SSPN: variants seen among roughly 807,000 people sequenced by gnomAD.
SSPN encodes K-ras oncogene-associated protein.
A neutral mutation model predicts 19.1 loss-of-function variants in SSPN; 15 were observed. The observed-to-expected ratio is 0.78, with a 90% confidence interval of 0.52 to 1.21. The LOEUF is 1.21. SSPN is among the 50% of genes most tolerant of loss of function. The pLI, the probability that SSPN is intolerant of heterozygous loss-of-function variation, is 0.00. For missense variants in SSPN, 291 were observed against 314.0 expected (o/e 0.93, Z 0.55); for synonymous variants, 147 against 140.3 (o/e 1.05, Z -0.34).
intron 1 of SSPN, among the ~76,000 whole-genome samples, chr12:26,127,055 G>A (rs979461018): frequency 6.6e-6 from 1 of 152,108 alleles, no homozygotes; most frequent in South Asian, 2.1e-4. Flanking sequence ...CTAAAAATGG[G>A]AATGCCGTTA....
chr12:26,178,828 T>G (rs2137439571), intron 1 of SSPN, among the ~76,000 whole-genome samples: 1 of 152,294 alleles, frequency 6.6e-6, no homozygotes, highest in East Asian at 1.9e-4. Context: ...CTGAGGAGTT[T>G]AAAGATATAT....
intron 1 of SSPN, among the ~76,000 whole-genome samples, chr12:26,132,189 A>AG (rs1439899695): frequency 6.6e-6 from 1 of 152,178 alleles, no homozygotes; most frequent in East Asian, 1.9e-4. Flanking sequence ...CACAAGGGTA[A>AG]GGGTGTGGTT....
At chr12:26,134,029 CTCTT>C (rs1565668557) in intron 1 of SSPN, among the ~76,000 whole-genome samples, 1 of 152,304 alleles carries the variant, frequency 6.6e-6, no homozygotes, top group South Asian at 2.1e-4. Flanking sequence ...TTGATCAAAA[CTCTT>C]TAATAGCTTC....
At chr12:26,184,728 G>C (rs1233661173) in intron 1 of SSPN, among the ~76,000 whole-genome samples, 1 of 152,096 alleles carries the variant, frequency 6.6e-6, no homozygotes, top group African/African-American at 2.4e-5. Context: ...ACAGAGGAAA[G>C]ACTATTACAG....
At chr12:26,216,245 C>T (rs1366784610) in intron 1 of SSPN, among the ~76,000 whole-genome samples, 1 of 152,174 alleles carries the variant, frequency 6.6e-6, no homozygotes, top group Non-Finnish European at 1.5e-5. Context: ...ACAGCTTAGC[C>T]TAGTGGTTCT....
intron 1 of SSPN, among the ~76,000 whole-genome samples, chr12:26,144,355 G>A (rs77537557): frequency 0.015 from 2,218 of 152,266 alleles, 55 homozygotes; most frequent in African/African-American, 0.051. Flanking sequence ...CAAGTGAATC[G>A]AATGGAGTAA....
chr12:26,194,861 A>T (rs1182409810), upstream of SSPN, among the ~76,000 whole-genome samples: 1 of 152,120 alleles, frequency 6.6e-6, no homozygotes, highest in African/African-American at 2.4e-5. Flanking sequence ...TGTGGTGGTG[A>T]TTGCCTGTAG....
At position 26,124,065 on chromosome 12, in the gene SSPN, A is replaced by G. The variant is rs202094138; in HGVS notation, c.-31+1913A>G. 1.2e-5 allele frequency: 19 copies of G among 1,565,612 alleles called. No homozygotes were observed. The East Asian group carries it at 3.8e-4, about 31-fold the overall frequency. The stretch of plus-strand genomic sequence containing the variant: ...AGAGCAGCAAAGAATGAAAATGTGC[A>G]TCTTACTGTCAATTTCAGATGTTCA... On this transcript the variant is annotated intron_variant, in intron 1 of 2. Coordinates refer to the SSPN transcript ENST00000538142.
chr12:26,199,712 CAAAT>C (rs1303259833), intron 1 of SSPN, among the ~76,000 whole-genome samples: 2 of 152,208 alleles, frequency 1.3e-5, no homozygotes, highest in Non-Finnish European at 2.9e-5. Context: ...ACTTCTCACT[CAAAT>C]GAATACAGGT....
intron 1 of SSPN, among the ~76,000 whole-genome samples, chr12:26,154,509 G>C (rs775784896): frequency 6.6e-5 from 10 of 152,124 alleles, no homozygotes; most frequent in Non-Finnish European, 1.5e-4. Context: ...CCTCTTAAGG[G>C]GCACTAAGCA....
chr12:26,219,712 C>T (rs1440765336), intron 1 of SSPN, among the ~76,000 whole-genome samples: 1 of 152,194 alleles, frequency 6.6e-6, no homozygotes, highest in Admixed American at 6.5e-5. Context: ...TTAAGCTTTT[C>T]TTATCGACTT....
chr12:26,161,437 C>A (rs1379380275), intron 1 of SSPN, among the ~76,000 whole-genome samples: 1 of 152,180 alleles, frequency 6.6e-6, no homozygotes, highest in Non-Finnish European at 1.5e-5. Context: ...CTTTGCTCAA[C>A]TCTTTCCCTG....
At chr12:26,226,284 T>C (rs957733267) in intron 2 of SSPN, among the ~76,000 whole-genome samples, 10 of 152,128 alleles carry the variant, frequency 6.6e-5, no homozygotes, top group Admixed American at 5.9e-4. Flanking sequence ...GGCGAAGGCA[T>C]AACATGCATC....
intron 1 of SSPN, among the ~76,000 whole-genome samples, chr12:26,177,437 C>T (rs1264244583): frequency 6.6e-6 from 1 of 152,100 alleles, no homozygotes; most frequent in Non-Finnish European, 1.5e-5. Context: ...GTCATGCTGC[C>T]CAGTGTTCAG....
chr12:26,204,039 C>T (rs12582448), intron 1 of SSPN, among the ~76,000 whole-genome samples: 22,895 of 152,206 alleles, frequency 0.15, 2,004 homozygotes, highest in East Asian at 0.36. Flanking sequence ...TTTGAGGTTA[C>T]AGCTTCAACA....
chr12:26,150,346 C>T (rs763046360), intron 1 of SSPN, among the ~76,000 whole-genome samples: 10 of 152,130 alleles, frequency 6.6e-5, no homozygotes, highest in Non-Finnish European at 1.2e-4. Flanking sequence ...AATGTGTATG[C>T]GATGCCCTCC....
upstream of SSPN, among the ~76,000 whole-genome samples, chr12:26,193,848 A>G (rs16930325): frequency 8.5e-3 from 1,297 of 152,330 alleles, 14 homozygotes; most frequent in African/African-American, 0.03. Flanking sequence ...ACTGGTCCAG[A>G]TGGAAGGCAT....
At chr12:26,211,959 C>T (rs1041523545) in intron 1 of SSPN, among the ~76,000 whole-genome samples, 2 of 152,140 alleles carry the variant, frequency 1.3e-5, no homozygotes, top group Non-Finnish European at 2.9e-5. Flanking sequence ...ATAAGTATTC[C>T]ATACTTCTTT....
intron 1 of SSPN, among the ~76,000 whole-genome samples, chr12:26,132,689 A>G (rs143047896): frequency 6.6e-6 from 1 of 152,244 alleles, no homozygotes; most frequent in East Asian, 1.9e-4. Context: ...CACCCCTTCC[A>G]AGCATATACA....
Sources: gnomAD v4.1 joint callset for allele counts (sites outside exome capture counted in the v4.1 genomes callset) on GRCh38, gnomAD v4.1.1 for gene constraint, MANE v1.5 for transcripts, NCBI Gene and HGNC (gene_info 2026-07-23, HGNC 2026-07-21) for gene names.